TBC1D1: variants seen among roughly 807,000 people sequenced by gnomAD.
TBC1D1 encodes TBC1 (tre-2/USP6, BUB2, cdc16) domain family, member 1.
In TBC1D1, 89 loss-of-function variants were observed where a neutral mutation model predicts 125.6. The observed-to-expected ratio is 0.71, with a 90% CI of 0.60 to 0.85. The LOEUF is 0.85. TBC1D1 is among the 40% of genes least tolerant of loss of function. TBC1D1 has a pLI of 0.00. For synonymous variants in TBC1D1, 565 were observed against 564.1 expected (o/e 1.00, Z -0.02); for missense variants, 1,377 against 1,469.2 (o/e 0.94, Z 1.03).
At chr4:37,949,540 C>G (rs540162085) in intron 2 of TBC1D1, among the ~76,000 whole-genome samples, 1 of 152,358 alleles carries the variant, frequency 6.6e-6, no homozygotes, top group South Asian at 2.1e-4. Flanking sequence ...ACCAGTCTCT[C>G]TGCTTCTCAG....
chr4:37,934,046 C>T (rs1281559123), intron 2 of TBC1D1, among the ~76,000 whole-genome samples: 1 of 152,214 alleles, frequency 6.6e-6, no homozygotes, highest in Non-Finnish European at 1.5e-5. Context: ...GACACCTACA[C>T]AGGCCGTGTG....
chr4:37,944,837 C>T (rs894115813), intron 2 of TBC1D1, among the ~76,000 whole-genome samples: 1 of 152,180 alleles, frequency 6.6e-6, no homozygotes, highest in Non-Finnish European at 1.5e-5. Flanking sequence ...GCTGCACCCA[C>T]TGTCCTGCAC....
At chr4:37,915,672 C>T (rs140075150) in intron 2 of TBC1D1, among the ~76,000 whole-genome samples, 5 of 152,320 alleles carry the variant, frequency 3.3e-5, no homozygotes, top group African/African-American at 1.2e-4. Flanking sequence ...GATATCTGGA[C>T]ATCCCATGGC....
rs950075706 is a variant in TBC1D1, at chr4:38,020,511, T to C, written c.973-80T>C. On this transcript the variant is annotated intron_variant, in intron 4 of 19. Transcript: ENST00000261439. ...TAATAAAAAGTAAAATAAATTGTGC[T>C]GTATAAATCTTGAGGTGCATTTCTG... The C allele has an allele frequency of 1.3e-5, 14 of 1,072,440 alleles. No homozygotes were observed. In the African/African-American group the frequency reaches 1.9e-4, roughly 15 times the overall value. 66.4% of individuals were successfully genotyped at this position (1,072,440 alleles called of 1,614,324 possible).
chr4:38,077,563 C>T (rs1755802135), intron 12 of TBC1D1, among the ~76,000 whole-genome samples: 1 of 151,480 alleles, frequency 6.6e-6, no homozygotes, highest in Non-Finnish European at 1.5e-5. Flanking sequence ...GAAATCTGCC[C>T]ATCTATATTA....
intron 2 of TBC1D1, among the ~76,000 whole-genome samples, chr4:38,003,868 CAA>C (rs5857592): frequency 3.1e-3 from 384 of 125,316 alleles, no homozygotes; most frequent in African/African-American, 3.3e-3. Flanking sequence ...GACCCTGTCT[CAA>C]AAAAAAAAAA....
intron 2 of TBC1D1, among the ~76,000 whole-genome samples, chr4:37,982,071 A>G (rs542866456): frequency 6.6e-6 from 1 of 152,272 alleles, no homozygotes; most frequent in Admixed American, 6.5e-5. Context: ...CCCTTCCATC[A>G]TCTCTTTCTT....
At chr4:38,108,901 T>A (rs1244350687) in intron 15 of TBC1D1, among the ~76,000 whole-genome samples, 1 of 152,190 alleles carries the variant, frequency 6.6e-6, no homozygotes, top group East Asian at 1.9e-4. Flanking sequence ...GTATTGAAGA[T>A]GACCAAGTAC....
intron 9 of TBC1D1, among the ~76,000 whole-genome samples, chr4:38,044,818 G>A (rs76358255): frequency 1.3e-5 from 2 of 152,152 alleles, no homozygotes; most frequent in Admixed American, 6.5e-5. Context: ...CTATCACTAT[G>A]TATAACTTAA....
At position 38,029,808 on chromosome 4, in the gene TBC1D1, A is replaced by G. The variant is rs1053684291; in HGVS notation, c.1302+1929A>G. On this transcript the variant is annotated intron_variant, in intron 7 of 19. Transcript: ENST00000261439. ...AATAGCCTAGAGGGTAATTTTCACA[A>G]TTTTCATTTGTCTTTGCATTTTCTT... Among the ~76,000 whole-genome samples the G allele has an allele frequency of 2.6e-5, 4 of 152,150 alleles. No individual in the cohort carries two copies. The East Asian group carries it at 7.7e-4, about 29-fold the overall frequency.
At position 38,032,947 on chromosome 4, in the gene TBC1D1, A is replaced by T. The variant is rs188342143; in HGVS notation, c.1303-2641A>T. 3.0e-3 allele frequency among the ~76,000 whole-genome samples: 460 copies of T among 152,212 alleles called. 1 individual carries two copies. Among genetic ancestry groups the T allele is most frequent in the Admixed American group, 6.6e-3 (101 of 15,298 alleles). On this transcript the variant is annotated intron_variant, in intron 7 of 19. Transcript: ENST00000261439. ...GGTGACACCTCACTAATTGTATTTC[A>T]GAATTACATTAAGGAAAGATTTGTT...
intron 12 of TBC1D1, among the ~76,000 whole-genome samples, chr4:38,059,069 C>T (rs1284865638): frequency 4.6e-5 from 7 of 152,118 alleles, no homozygotes; most frequent in Admixed American, 2.0e-4. Flanking sequence ...CACAAAATCC[C>T]CATGAAATAA....
chr4:37,966,785 C>A (rs1308557898), intron 2 of TBC1D1, among the ~76,000 whole-genome samples: 1 of 152,110 alleles, frequency 6.6e-6, no homozygotes, highest in Admixed American at 6.5e-5. Flanking sequence ...CCCAACAGGC[C>A]CCGGTGTGTG....
At position 38,112,600 on chromosome 4, in the gene TBC1D1, T is replaced by G. The variant is rs143888619; in HGVS notation, c.2558-3110T>G. ...TTCAGAGAAGCTAGGTAGTCCATTCTGAGCTTCACGTGCCAGAGGCCATTT... is the reference window on the plus strand; with the variant it reads ...TTCAGAGAAGCTAGGTAGTCCATTCGGAGCTTCACGTGCCAGAGGCCATTT... On this transcript the variant is annotated intron_variant, in intron 15 of 19. Transcript: ENST00000261439. 4.6e-3 allele frequency among the ~76,000 whole-genome samples: 695 copies of G among 152,370 alleles called. 5 individuals carry two copies. Among genetic ancestry groups the G allele is most frequent in the African/African-American group, 0.016 (653 of 41,584 alleles).
intron 11 of TBC1D1, among the ~76,000 whole-genome samples, chr4:38,053,604 G>A (rs1751132033): frequency 6.6e-6 from 1 of 152,210 alleles, no homozygotes; most frequent in Admixed American, 6.5e-5. Flanking sequence ...AATTGGAAGG[G>A]CCTTCTCAGG....
intron 7 of TBC1D1, among the ~76,000 whole-genome samples, chr4:38,031,607 GATTT>G (rs1162906762): frequency 2.0e-5 from 3 of 152,042 alleles, no homozygotes; most frequent in East Asian, 3.9e-4. Flanking sequence ...GTTGGAAATT[GATTT>G]ATTTATTTAT....
In TBC1D1 at chr4:37,964,214, C is replaced by T. The variant is rs184507486; in HGVS notation, c.418-50295C>T. ...CACACATGGGCCAGGGTTGGATATG[C>T]GAAATTACCACTTGATGAAATTAGT... On this transcript the variant is annotated intron_variant, in intron 2 of 19. Transcript: ENST00000261439. Among the ~76,000 whole-genome samples, 44 of 152,314 alleles carry T rather than the reference C, an allele frequency of 2.9e-4. 1 individual carries two copies. In the East Asian group the frequency reaches 2.9e-3, roughly 10 times the overall value.
At chr4:38,072,294 T>C (rs977354003) in intron 12 of TBC1D1, among the ~76,000 whole-genome samples, 1 of 152,200 alleles carries the variant, frequency 6.6e-6, no homozygotes, top group African/African-American at 2.4e-5. Flanking sequence ...GAGGATATCC[T>C]TGGAATCGCA....
chr4:38,070,913 T>C (rs746588770), intron 12 of TBC1D1, among the ~76,000 whole-genome samples: 1 of 152,382 alleles, frequency 6.6e-6, no homozygotes, highest in East Asian at 1.9e-4. Flanking sequence ...ACTTCCATTG[T>C]GAATCATGAT....
Sources: allele counts gnomAD v4.1 joint callset (sites outside exome capture counted in the v4.1 genomes callset), GRCh38; gene constraint gnomAD v4.1.1; transcripts MANE v1.5; gene names NCBI Gene and HGNC (gene_info 2026-07-23, HGNC 2026-07-21).